The following NBAS variants were observed in gnomAD, a reference collection of about 807,000 sequenced individuals.
The protein encoded by NBAS is NBAS subunit of NRZ tethering complex.
NBAS carries 219 observed loss-of-function variants against 302.5 expected under a neutral mutation model. The ratio of observed to expected loss-of-function variants is 0.72; its 90% CI spans 0.65 to 0.81. The LOEUF is 0.81. Among genes scored for constraint, NBAS ranks in the 30% least tolerant of loss-of-function variants. The pLI is 0.00. For synonymous variants in NBAS, 1,118 were observed against 1,021.6 expected (o/e 1.09, Z -1.80); for missense variants, 2,932 against 2,841.6 (o/e 1.03, Z -0.72).
At chr2:14,838,563 A>G in the NBAS span, among the ~76,000 whole-genome samples, 14 of 151,970 alleles carry the variant, frequency 9.2e-5, no homozygotes, top group African/African-American at 3.4e-4. Context: ...TCTATTGTCT[A>G]TTGCTTTGAC....
At chr2:14,801,009 T>C in the NBAS span, among the ~76,000 whole-genome samples, 1 of 152,114 alleles carries the variant, frequency 6.6e-6, no homozygotes, top group African/African-American at 2.4e-5. Flanking sequence ...AAAGATCTTT[T>C]CACTGGGTAT....
intron 14 of NBAS, among the ~76,000 whole-genome samples, chr2:15,475,242 A>C (rs1680139347): frequency 6.6e-6 from 1 of 152,218 alleles, no homozygotes. Context: ...CTTAAAATAA[A>C]ATTTTTAAAT....
At chr2:15,230,038 A>G (rs1181927542) in intron 47 of NBAS, among the ~76,000 whole-genome samples, 1 of 152,152 alleles carries the variant, frequency 6.6e-6, no homozygotes, top group African/African-American at 2.4e-5. Flanking sequence ...TATGGAGGGT[A>G]GTGGGTGTCC....
At chr2:15,030,789 G>A in the NBAS span, among the ~76,000 whole-genome samples, 1 of 152,120 alleles carries the variant, frequency 6.6e-6, no homozygotes, top group African/African-American at 2.4e-5. Flanking sequence ...TGCATGGTAG[G>A]ATGTAGAGCA....
chr2:15,240,005 G>A (rs1667788416), intron 44 of NBAS, among the ~76,000 whole-genome samples: 1 of 152,090 alleles, frequency 6.6e-6, no homozygotes, highest in Non-Finnish European at 1.5e-5. Flanking sequence ...AGATCCTAGC[G>A]CCTTCTCAGG....
chr2:15,093,850 G>T, the NBAS span, among the ~76,000 whole-genome samples: 1 of 151,990 alleles, frequency 6.6e-6, no homozygotes, highest in South Asian at 2.1e-4. Flanking sequence ...TTTAAGCATA[G>T]AAAAAAATGT....
intron 48 of NBAS, among the ~76,000 whole-genome samples, chr2:15,206,063 G>C (rs1286779525): frequency 6.6e-6 from 1 of 152,172 alleles, no homozygotes. Context: ...AAGAAAACAG[G>C]AAGATGTGGG....
At chr2:14,998,137 G>A in the NBAS span, among the ~76,000 whole-genome samples, 1 of 151,882 alleles carries the variant, frequency 6.6e-6, no homozygotes, top group Non-Finnish European at 1.5e-5. Flanking sequence ...TTTCCTGCAG[G>A]ACTCTGGGAA....
intron 23 of NBAS, among the ~76,000 whole-genome samples, chr2:15,418,539 T>C (rs1411729689): frequency 6.6e-6 from 1 of 152,174 alleles, no homozygotes; most frequent in Non-Finnish European, 1.5e-5. Context: ...CTCTCAGCCT[T>C]GTAAGAAAAG....
chr2:15,103,574 A>G, the NBAS span, among the ~76,000 whole-genome samples: 9 of 152,162 alleles, frequency 5.9e-5, no homozygotes, highest in Non-Finnish European at 1.3e-4. Flanking sequence ...GGGAAGATGG[A>G]CCGTGTCTTA....
At chr2:15,523,005 ATCATCTATCTGAAACGG>A (rs2148663948) in intron 9 of NBAS, among the ~76,000 whole-genome samples, 1 of 152,334 alleles carries the variant, frequency 6.6e-6, no homozygotes, top group East Asian at 1.9e-4. Flanking sequence ...TACAAGATCG[ATCATCTATCTGAAACGG>A]TGCGCACCAC....
the NBAS span, among the ~76,000 whole-genome samples, chr2:14,819,061 T>C: frequency 6.6e-6 from 1 of 152,224 alleles, no homozygotes; most frequent in Non-Finnish European, 1.5e-5. Flanking sequence ...TTCCTGTGCC[T>C]CCCTCTGTCA....
chr2:14,801,677 C>G, the NBAS span, among the ~76,000 whole-genome samples: 12 of 152,028 alleles, frequency 7.9e-5, no homozygotes, highest in Admixed American at 3.9e-4. Context: ...TTTTCCTCTT[C>G]TTTGCATTCC....
At chr2:15,254,214 G>C (rs767420124) in intron 44 of NBAS, among the ~76,000 whole-genome samples, 8 of 151,688 alleles carry the variant, frequency 5.3e-5, no homozygotes, top group Non-Finnish European at 1.0e-4. Context: ...CACCCAGGAG[G>C]CTCACTTCCT....
At chr2:15,281,409 A>G (rs1302260190) in intron 42 of NBAS, among the ~76,000 whole-genome samples, 5 of 152,196 alleles carry the variant, frequency 3.3e-5, no homozygotes, top group East Asian at 1.9e-4. Flanking sequence ...CACAAAGCGT[A>G]TATCTTATCA....
intron 21 of NBAS, among the ~76,000 whole-genome samples, chr2:15,440,478 G>A (rs936346472): frequency 1.3e-5 from 2 of 152,150 alleles, no homozygotes; most frequent in African/African-American, 4.8e-5. Context: ...CTAACAAACA[G>A]AAAGGACATC....
intron 35 of NBAS, among the ~76,000 whole-genome samples, chr2:15,341,733 T>C (rs1392448827): frequency 1.3e-5 from 2 of 152,124 alleles, no homozygotes; most frequent in African/African-American, 4.8e-5. Flanking sequence ...TGGAAATCTA[T>C]GATGTAGATT....
chr2:14,919,401 C>T, the NBAS span, among the ~76,000 whole-genome samples: 2 of 152,122 alleles, frequency 1.3e-5, no homozygotes, highest in Non-Finnish European at 2.9e-5. Flanking sequence ...GGTGGAGCAT[C>T]CTGCCTCGAA....
intron 25 of NBAS, among the ~76,000 whole-genome samples, chr2:15,407,165 T>A (rs867678152): frequency 6.6e-6 from 1 of 152,162 alleles, no homozygotes; most frequent in Admixed American, 6.5e-5. Flanking sequence ...ACTAAGTAAG[T>A]TTTTAAAATT....
Sources: gnomAD v4.1 joint callset for allele counts (sites outside exome capture counted in the v4.1 genomes callset) on GRCh38, gnomAD v4.1.1 for gene constraint, MANE v1.5 for transcripts, NCBI Gene and HGNC (gene_info 2026-07-23, HGNC 2026-07-21) for gene names.